Variants in PIBF1 observed in about 807,000 individuals in gnomAD.
PIBF1 encodes the protein progesterone immunomodulatory binding factor 1, also known as progesterone-induced-blocking factor 1.
In PIBF1, 90 loss-of-function variants were observed where a neutral mutation model predicts 112.5. That is an observed-to-expected ratio of 0.80 (90% CI 0.67 to 0.95). The LOEUF is 0.95. Ranked by LOEUF, PIBF1 falls within the 40% of genes least tolerant of loss-of-function variation. The pLI is 0.00. For synonymous variants in PIBF1, 301 were observed against 288.6 expected (o/e 1.04, Z -0.44); for missense variants, 915 against 852.3 (o/e 1.07, Z -0.92).
chr13:72,910,592 C>A (rs2040861386), intron 12 of PIBF1, among the ~76,000 whole-genome samples: 1 of 152,014 alleles, frequency 6.6e-6, no homozygotes, highest in Admixed American at 6.6e-5. Flanking sequence ...AACAGGGTTT[C>A]CTATTTTCAT....
At chr13:72,845,369 T>G (rs909658831) in intron 9 of PIBF1, among the ~76,000 whole-genome samples, 2 of 152,256 alleles carry the variant, frequency 1.3e-5, no homozygotes, top group Middle Eastern at 3.2e-3. Context: ...TACCACATTT[T>G]CTTTATCCAG....
chr13:72,796,277 A>T (rs1263091291), intron 4 of PIBF1, among the ~76,000 whole-genome samples: 3 of 152,164 alleles, frequency 2.0e-5, no homozygotes, highest in Non-Finnish European at 2.9e-5. Flanking sequence ...TTACTAGGAA[A>T]GTCGTTTTGA....
chr13:72,932,246 A>T (rs1195301309), intron 14 of PIBF1, among the ~76,000 whole-genome samples: 2 of 152,126 alleles, frequency 1.3e-5, no homozygotes, highest in African/African-American at 2.4e-5. Context: ...CCCAGCCAAG[A>T]AGTTAATATT....
chr13:72,871,671 A>G (rs1353636337), intron 10 of PIBF1, among the ~76,000 whole-genome samples: 2 of 152,060 alleles, frequency 1.3e-5, no homozygotes, highest in East Asian at 3.9e-4. Context: ...ATCTTTTCCT[A>G]GCTCTGGAAA....
chr13:72,827,907 G>C lies in PIBF1; in HGVS notation c.1090G>C (p.Ala364Pro). 6.4e-7 allele frequency: 1 copy of C among 1,555,492 alleles called. No individual in the cohort carries two copies. Among genetic ancestry groups the C allele is most frequent in the South Asian group, 1.3e-5 (1 of 79,880 alleles). The change falls in exon 8 of 18, where the codon GCA becomes CCA. Residue 364 changes from alanine (A) to proline (P), a missense_variant. Physicochemically the swap from Ala to Pro is conservative, Grantham distance 27. Transcript: ENST00000326291. ...AGAAGAGATGTATGAAAAATATGTA[G>C]CATCCAGGCAAGATTTGCATTATTT... ...AREEMYEKYV[A>P]SRDHYKTEYE...
At chr13:72,802,884 G>C (rs2035551558) in intron 5 of PIBF1, among the ~76,000 whole-genome samples, 2 of 152,152 alleles carry the variant, frequency 1.3e-5, no homozygotes, top group Non-Finnish European at 2.9e-5. Flanking sequence ...GAGAGAGAAG[G>C]AGGAGTTACC....
intron 15 of PIBF1, 78 bp from the exon 16 acceptor site, chr13:72,973,513 T>C (rs749362854): frequency 3.6e-5 from 25 of 694,124 alleles, no homozygotes; most frequent in Non-Finnish European, 6.0e-5. Context: ...TTCATGTTTA[T>C]TCTTTTAATA....
In PIBF1 at chr13:72,908,688, C is replaced by CT. The variant is rs1484118328; in HGVS notation, c.1639+9dup. On this transcript the variant is annotated splice_region_variant and intron_variant, in intron 12 of 17. Transcript: ENST00000326291. ...ATAATGCAAACTGCAGAAAGTAAGT[C>CT]TTCCCCCACACACACATGCACAACT... The CT allele has an allele frequency of 6.2e-7, 1 of 1,606,888 alleles. No individual in the cohort carries two copies. The highest frequency in any genetic ancestry group is 1.1e-5 in the South Asian group (1 of 89,570).
At chr13:72,899,305 G>A (rs533984444) in intron 11 of PIBF1, among the ~76,000 whole-genome samples, 1 of 152,110 alleles carries the variant, frequency 6.6e-6, no homozygotes, top group South Asian at 2.1e-4. Context: ...ACCAAACCAG[G>A]AAAGGATACA....
intron 10 of PIBF1, among the ~76,000 whole-genome samples, chr13:72,855,066 T>TG (rs2038355440): frequency 6.6e-6 from 1 of 152,196 alleles, no homozygotes; most frequent in Non-Finnish European, 1.5e-5. Context: ...CATTTTAAAA[T>TG]TATTTCAGAA....
chr13:72,951,055 A>C (rs1356097811), intron 14 of PIBF1, among the ~76,000 whole-genome samples: 5 of 152,230 alleles, frequency 3.3e-5, no homozygotes, highest in African/African-American at 1.2e-4. Context: ...AAGCAATCAG[A>C]TATCTCTAGT....
intron 10 of PIBF1, among the ~76,000 whole-genome samples, chr13:72,877,010 T>G (rs951961155): frequency 1.3e-5 from 2 of 152,292 alleles, no homozygotes; most frequent in South Asian, 4.1e-4. Flanking sequence ...AGATGTTACT[T>G]GTAGGATTTT....
chr13:72,877,623 A>G (rs2039461189), intron 10 of PIBF1, among the ~76,000 whole-genome samples: 1 of 152,134 alleles, frequency 6.6e-6, no homozygotes, highest in African/African-American at 2.4e-5. Flanking sequence ...TGTGTCTTTC[A>G]AGGAATTGGT....
intron 11 of PIBF1, among the ~76,000 whole-genome samples, chr13:72,895,297 A>G (rs1019042905): frequency 6.7e-6 from 1 of 149,988 alleles, no homozygotes; most frequent in Non-Finnish European, 1.5e-5. Context: ...ATAAATTTTT[A>G]AATTTATATT....
chr13:72,873,907 A>G (rs1445838495), intron 10 of PIBF1, among the ~76,000 whole-genome samples: 4 of 152,218 alleles, frequency 2.6e-5, no homozygotes, highest in African/African-American at 9.7e-5. Flanking sequence ...AAGCTACTCA[A>G]TTTAACATTT....
intron 14 of PIBF1, among the ~76,000 whole-genome samples, chr13:72,961,746 A>G (rs1484305937): frequency 2.0e-5 from 3 of 152,198 alleles, no homozygotes; most frequent in East Asian, 1.9e-4. Flanking sequence ...ATTATATACC[A>G]AAGTAGGAGC....
At chr13:72,957,493 T>G (rs2042478914) in intron 14 of PIBF1, among the ~76,000 whole-genome samples, 1 of 152,002 alleles carries the variant, frequency 6.6e-6, no homozygotes, top group Non-Finnish European at 1.5e-5. Context: ...AATGATACAG[T>G]GGACTTTGGG....
intron 5 of PIBF1, among the ~76,000 whole-genome samples, chr13:72,817,489 T>C (rs1198489989): frequency 4.6e-5 from 7 of 152,214 alleles, no homozygotes; most frequent in Non-Finnish European, 1.0e-4. Context: ...TCCTCTTTTG[T>C]TCCTCCTCTT....
Position 72,835,344 on chromosome 13 carries a change from G to C in PIBF1, c.1199G>C (p.Arg400Thr). 1 of 1,585,102 alleles carries C rather than the reference G, an allele frequency of 6.3e-7. No individual in the cohort carries two copies. Among genetic ancestry groups the C allele is most frequent in the South Asian group, 1.2e-5 (1 of 85,088 alleles). The change falls in exon 9 of 18, where the codon AGG (arginine) becomes ACG (threonine). Residue 400 changes from arginine to threonine, a missense_variant. Coordinates refer to ENST00000326291, the MANE Select transcript of PIBF1 (RefSeq NM_006346.4). Reference sequence around the variant, plus strand: ...ATTGATCAACTTCGAAATGCCTCTAGGGAAATGTATGAACGAGAAAACAGG... The same window carrying C: ...ATTGATCAACTTCGAAATGCCTCTACGGAAATGTATGAACGAGAAAACAGG... Reference protein sequence around the residue: ...QEIDQLRNASREMYERENRNL... With the variant: ...QEIDQLRNASTEMYERENRNL...
Sources: gnomAD v4.1 joint callset for allele counts (sites outside exome capture counted in the v4.1 genomes callset) on GRCh38, gnomAD v4.1.1 for gene constraint, MANE v1.5 for transcripts, NCBI Gene and HGNC (gene_info 2026-07-23, HGNC 2026-07-21) for gene names.